ST8SIA1: variants seen among roughly 807,000 people sequenced by gnomAD.
ST8SIA1 encodes ST8 alpha-N-acetyl-neuraminide alpha-2,8-sialyltransferase 1, also known as alpha-N-acetylneuraminide alpha-2,8-sialyltransferase.
Under a neutral mutation model 35.9 loss-of-function variants are expected in ST8SIA1, and 16 were observed. The ratio of observed to expected loss-of-function variants is 0.45; its 90% confidence interval spans 0.30 to 0.68. ST8SIA1 has a LOEUF of 0.68. Among genes scored for constraint, ST8SIA1 ranks in the 30% least tolerant of loss-of-function variants. ST8SIA1 has a pLI of 0.09. For missense variants in ST8SIA1, 383 were observed against 453.6 expected (o/e 0.84, Z 1.41); for synonymous variants, 170 against 169.6 (o/e 1.00, Z -0.02).
intron 1 of ST8SIA1, 129 bp downstream of exon 1, chr12:22,333,868 G>A (rs770762702): frequency 1.1e-6 from 1 of 882,860 alleles, no homozygotes; most frequent in African/African-American, 1.6e-5. Context: ...TGGAGGGAAA[G>A]GACATGGAAG....
At chr12:22,303,901 T>A (rs1339750086) in intron 1 of ST8SIA1, among the ~76,000 whole-genome samples, 1 of 145,480 alleles carries the variant, frequency 6.9e-6, no homozygotes, top group Non-Finnish European at 1.5e-5. Flanking sequence ...AGTGGTGTGG[T>A]ACAGGGAGAA....
chr12:22,293,788 A>G (rs1866210148), intron 1 of ST8SIA1, among the ~76,000 whole-genome samples: 1 of 152,184 alleles, frequency 6.6e-6, no homozygotes. Context: ...ATTCTCAAAC[A>G]TGTCCCTTTC....
intron 1 of ST8SIA1, among the ~76,000 whole-genome samples, chr12:22,315,815 T>C (rs1866511689): frequency 6.7e-6 from 1 of 150,134 alleles, no homozygotes; most frequent in African/African-American, 2.4e-5. Flanking sequence ...GGCAATGCTG[T>C]ATGGTGAAAT....
intron 1 of ST8SIA1, among the ~76,000 whole-genome samples, chr12:22,294,302 G>T (rs1866216521): frequency 2.0e-5 from 3 of 152,108 alleles, no homozygotes; most frequent in Admixed American, 1.3e-4. Flanking sequence ...CTTTGCCCCA[G>T]GTATTGGGGC....
chr12:22,258,602 A>C (rs1305923533), intron 2 of ST8SIA1, among the ~76,000 whole-genome samples: 1 of 152,242 alleles, frequency 6.6e-6, no homozygotes, highest in East Asian at 1.9e-4. Flanking sequence ...GGTGACCTTG[A>C]AAAAGGTAGA....
At chr12:22,256,290 G>A (rs1021920209) in intron 2 of ST8SIA1, among the ~76,000 whole-genome samples, 1 of 152,176 alleles carries the variant, frequency 6.6e-6, no homozygotes, top group South Asian at 2.1e-4. Flanking sequence ...TAAAGAAAAT[G>A]TTCAGTGTAT....
chr12:22,283,316 T>C (rs1433370928), intron 2 of ST8SIA1, among the ~76,000 whole-genome samples: 1 of 152,212 alleles, frequency 6.6e-6, no homozygotes, highest in African/African-American at 2.4e-5. Flanking sequence ...CAGTTGTGGT[T>C]TCTAACATTC....
rs557232958 is a variant in ST8SIA1, at chr12:22,194,825, A to T, written c.*6727T>A. The stretch of plus-strand genomic sequence containing the variant: ...GCTGCTATCACTGCCTCATCATGAC[A>T]GATGTAAATAATAATCTTATTTGGG... On this transcript the variant is annotated 3_prime_UTR_variant, in exon 5 of 5. Coordinates refer to ENST00000396037, the MANE Select transcript of ST8SIA1 (RefSeq NM_003034.4). 6.6e-6 allele frequency: 1 copy of T among 152,178 alleles called. No individual in the cohort carries two copies. The highest frequency in any genetic ancestry group is 1.5e-5 in the Non-Finnish European group (1 of 68,058). 9.4% of individuals were successfully genotyped at this position (152,178 alleles called of 1,614,324 possible).
chr12:22,274,296 A>T (rs1179491047), intron 2 of ST8SIA1, among the ~76,000 whole-genome samples: 1 of 152,216 alleles, frequency 6.6e-6, no homozygotes, highest in Non-Finnish European at 1.5e-5. Flanking sequence ...TAAAAAGCTA[A>T]CTCAAGCTAC....
intron 1 of ST8SIA1, among the ~76,000 whole-genome samples, chr12:22,305,210 C>T (rs979555534): frequency 6.6e-6 from 1 of 151,860 alleles, no homozygotes; most frequent in East Asian, 1.9e-4. Flanking sequence ...AATGAATGGG[C>T]TTAAAGAAAA....
chr12:22,220,123 G>A (rs1189616587), intron 4 of ST8SIA1, among the ~76,000 whole-genome samples: 1 of 152,124 alleles, frequency 6.6e-6, no homozygotes, highest in Admixed American at 6.6e-5. Flanking sequence ...GCAAACCTTG[G>A]AACTTATATT....
chr12:22,195,627 A>G lies in ST8SIA1; in HGVS notation c.*5925T>C, dbSNP rs1864977818. The G allele has an allele frequency of 6.6e-6, 1 of 152,126 alleles. No homozygotes were observed. Among genetic ancestry groups the G allele is most frequent in the East Asian group, 1.9e-4 (1 of 5,182 alleles). The allele number at this position is 152,126 out of a possible 1,614,324, so 9.4% of individuals were successfully genotyped here. ...TTAACCATAACAGCTGGATGACAAG[A>G]TATTTCCTTTAAAATATTTCAAAAA... On this transcript the variant is annotated 3_prime_UTR_variant, in exon 5 of 5. Transcript: ENST00000396037.
At chr12:22,313,679 C>A (rs1046256934) in intron 1 of ST8SIA1, among the ~76,000 whole-genome samples, 7 of 152,118 alleles carry the variant, frequency 4.6e-5, no homozygotes, top group African/African-American at 1.7e-4. Flanking sequence ...ATGCATAAAG[C>A]CAATTTACCA....
intron 4 of ST8SIA1, among the ~76,000 whole-genome samples, chr12:22,231,124 A>T (rs2120693949): frequency 6.7e-6 from 1 of 148,332 alleles, no homozygotes; most frequent in African/African-American, 2.4e-5. Context: ...ATTATACTTA[A>T]TTATATATAA....
intron 1 of ST8SIA1, chr12:22,325,457 C>T (rs1866663281): frequency 1.4e-6 from 1 of 701,980 alleles, no homozygotes. Context: ...TGCAATGCCA[C>T]AGCTAGAAGA....
At chr12:22,248,975 T>C (rs1467494383) in intron 4 of ST8SIA1, 31 bp downstream of exon 4, 2 of 1,517,618 alleles carry the variant, frequency 1.3e-6, no homozygotes, top group Non-Finnish European at 1.8e-6. Context: ...TTCATCTTCG[T>C]TCGTCACAAA....
At chr12:22,313,186 C>CCTCCCTCA (rs1323376877) in intron 1 of ST8SIA1, among the ~76,000 whole-genome samples, 1 of 152,120 alleles carries the variant, frequency 6.6e-6, no homozygotes, top group Admixed American at 6.6e-5. Flanking sequence ...TTAAATAGTA[C>CCTCCCTCA]CTCCCTCATA....
intron 1 of ST8SIA1, among the ~76,000 whole-genome samples, chr12:22,305,215 A>G (rs1185626701): frequency 6.6e-6 from 1 of 152,220 alleles, no homozygotes; most frequent in Admixed American, 6.5e-5. Context: ...ATGGGCTTAA[A>G]GAAAAATAAA....
chr12:22,270,274 A>G (rs977965704), intron 2 of ST8SIA1, among the ~76,000 whole-genome samples: 13 of 152,184 alleles, frequency 8.5e-5, no homozygotes, highest in African/African-American at 2.9e-4. Flanking sequence ...TATCAGCATC[A>G]TATGTTGGGA....
Sources: allele counts gnomAD v4.1 joint callset (sites outside exome capture counted in the v4.1 genomes callset), GRCh38; gene constraint gnomAD v4.1.1; transcripts MANE v1.5; gene names NCBI Gene and HGNC (gene_info 2026-07-23, HGNC 2026-07-21).